The following NLRP14 variants were observed in gnomAD, a reference collection of about 807,000 sequenced individuals.
The protein encoded by NLRP14 is NLR family pyrin domain containing 14, also known as NACHT, LRR and PYD domains-containing protein 14.
A neutral mutation model predicts 94.7 loss-of-function variants in NLRP14; 105 were observed. The ratio of observed to expected loss-of-function variants is 1.11; its 90% CI spans 0.95 to 1.30. The LOEUF is 1.30. NLRP14 is among the 50% of genes most tolerant of loss of function. The pLI is 0.00. For missense variants in NLRP14, 1,362 were observed against 1,254.1 expected, an observed-to-expected ratio of 1.09 and a Z score of -1.30; for synonymous variants, 508 against 459.9, an observed-to-expected ratio of 1.10 and a Z score of -1.34.
chr11:7,072,368 A>T (rs1270013087), downstream of NLRP14, among the ~76,000 whole-genome samples: 1 of 152,252 alleles, frequency 6.6e-6, no homozygotes, highest in Non-Finnish European at 1.5e-5. Flanking sequence ...AGCAATTTTG[A>T]TCCTTGCCCC....
the NLRP14 span, among the ~76,000 whole-genome samples, chr11:7,087,217 C>T: frequency 6.6e-6 from 1 of 152,176 alleles, no homozygotes; most frequent in Admixed American, 6.5e-5. Flanking sequence ...GACCTGTAAG[C>T]CCCCCACTTC....
chr11:7,061,323 T>A lies in NLRP14; in HGVS notation c.2805-1010T>A, dbSNP rs546040658. ...TTCAACTGGAAGACAAAGTTTTACTTAATGGATGTTGTTAAATCCAATGTC... is the reference window on the plus strand; with the variant it reads ...TTCAACTGGAAGACAAAGTTTTACTAAATGGATGTTGTTAAATCCAATGTC... On this transcript the variant is annotated intron_variant, in intron 9 of 11. Transcript: ENST00000299481. 2.4e-4 allele frequency among the ~76,000 whole-genome samples: 37 copies of A among 152,208 alleles called. No individual in the cohort carries two copies. The South Asian group carries it at 6.8e-3, about 28-fold the overall frequency.
intron 10 of NLRP14, among the ~76,000 whole-genome samples, chr11:7,069,452 G>T (rs1487533652): frequency 6.6e-6 from 1 of 152,158 alleles, no homozygotes; most frequent in Non-Finnish European, 1.5e-5. Flanking sequence ...ACTATTATCG[G>T]CTTGTGCAGA....
At chr11:7,087,002 A>C in the NLRP14 span, among the ~76,000 whole-genome samples, 1 of 149,910 alleles carries the variant, frequency 6.7e-6, no homozygotes, top group Non-Finnish European at 1.5e-5. Context: ...AGAAACCCAG[A>C]TCCCACCAAA....
In NLRP14 at chr11:7,065,207, G is replaced by A. The variant is rs146917464; in HGVS notation, c.2975+2704G>A. On this transcript the variant is annotated intron_variant, in intron 10 of 11. Transcript: ENST00000299481. ...AGTGAGTCTCCTGATACACCAAAAAGACATATCTCATTTATTTAGGTCTAT... is the reference window on the plus strand; with the variant it reads ...AGTGAGTCTCCTGATACACCAAAAAAACATATCTCATTTATTTAGGTCTAT... Among the ~76,000 whole-genome samples the A allele has an allele frequency of 4.0e-3, 612 of 152,180 alleles. 7 individuals are homozygous for A. The highest frequency in any genetic ancestry group is 0.014 in the African/African-American group (567 of 41,532).
chr11:7,042,295 C>T (rs1334851518), intron 3 of NLRP14, 93 bp from the exon 4 acceptor site: 1 of 1,031,996 alleles, frequency 9.7e-7, no homozygotes, highest in East Asian at 2.4e-5. Context: ...GTTCCTAATT[C>T]CAAGTTCGGT....
chr11:7,043,294 A>G lies in NLRP14; in HGVS notation c.1268A>G (p.Gln423Arg), dbSNP rs757959026. Residue 423 changes from glutamine to arginine, a missense_variant, in exon 4 of 12, where the codon CAG becomes CGG. Transcript: ENST00000299481. ...TCTCCTAGTCTACCCAACCAAGCCC[A>G]GCTGAGAAGACTGTGCCAAGTCGCT... Reference protein sequence around the residue: ...GGSPSLPNQAQLRRLCQVAAK... With the variant: ...GGSPSLPNQARLRRLCQVAAK... 1.9e-6 allele frequency: 3 copies of G among 1,614,226 alleles called. No individual in the cohort carries two copies. In the African/African-American group the frequency reaches 4.0e-5, roughly 22 times the overall value.
chr11:7,031,616 G>A (rs1852097284), intron 1 of NLRP14, among the ~76,000 whole-genome samples: 1 of 152,120 alleles, frequency 6.6e-6, no homozygotes, highest in African/African-American at 2.4e-5. Flanking sequence ...GGTATGAATA[G>A]CCCCACTTTC....
At chr11:7,051,812 G>A (rs906803058) in intron 6 of NLRP14, among the ~76,000 whole-genome samples, 3 of 151,848 alleles carry the variant, frequency 2.0e-5, no homozygotes, top group African/African-American at 7.3e-5. Context: ...TAGTAGAGAT[G>A]GGGTTTCACC....
intron 1 of NLRP14, among the ~76,000 whole-genome samples, chr11:7,025,573 G>C (rs1490004314): frequency 1.3e-5 from 2 of 152,252 alleles, no homozygotes; most frequent in African/African-American, 4.8e-5. Context: ...AATGTGAATG[G>C]ACTGAATTTT....
At chr11:7,023,392 A>AT (rs1176559326) in intron 1 of NLRP14, among the ~76,000 whole-genome samples, 2 of 146,314 alleles carry the variant, frequency 1.4e-5, no homozygotes, top group Non-Finnish European at 3.0e-5. Context: ...TAGCTTGGAA[A>AT]TTTTTTATAT....
the NLRP14 span, among the ~76,000 whole-genome samples, chr11:7,088,301 A>G: frequency 6.6e-6 from 1 of 152,214 alleles, no homozygotes; most frequent in South Asian, 2.1e-4. Flanking sequence ...TCTTTAATAC[A>G]TGGTCCAAAA....
At chr11:7,089,054 C>T in the NLRP14 span, 10 of 1,550,922 alleles carry the variant, frequency 6.4e-6, no homozygotes, top group Non-Finnish European at 7.9e-6. Context: ...CGAGCGAGCT[C>T]GAAGGCTGCG....
At chr11:7,023,345 TTAATTA>T (rs1851970577) in intron 1 of NLRP14, among the ~76,000 whole-genome samples, 1 of 146,906 alleles carries the variant, frequency 6.8e-6, no homozygotes, top group African/African-American at 2.5e-5. Context: ...ATATATAATT[TTAATTA>T]TATTACATAT....
chr11:7,052,016 A>T (rs1225365340), intron 6 of NLRP14, among the ~76,000 whole-genome samples: 2 of 152,090 alleles, frequency 1.3e-5, no homozygotes, highest in African/African-American at 4.8e-5. Context: ...TGTCTTGATA[A>T]TTTTTTTCCA....
chr11:7,089,170 T>A, the NLRP14 span: 5 of 1,613,946 alleles, frequency 3.1e-6, no homozygotes, highest in Non-Finnish European at 4.2e-6. Context: ...GGCCTCAACC[T>A]CGAAACCGAC....
chr11:7,046,798 C>T lies in NLRP14; in HGVS notation c.2089C>T (p.Leu697=), dbSNP rs1852359038. ...KSAMNILHHE[L]RHPNCKLQKL... ...AGCAATGAATATCCTGCATCATGAA[C>T]TAAGGCACCCAAACTGTAAACTACA... The change falls in exon 5 of 12, where the codon CTA becomes TTA. Residue 697 remains leucine, a synonymous_variant. Transcript: ENST00000299481. 6.2e-7 allele frequency: 1 copy of T among 1,613,692 alleles called. No individual in the cohort carries two copies.
chr11:7,071,382 G>T lies in NLRP14; in HGVS notation c.*74G>T. ...TACATAGATATATACCCAGACTTGGGTGCTTAGCTTCAGATACTCTATGCC... is the reference window on the plus strand; with the variant it reads ...TACATAGATATATACCCAGACTTGGTTGCTTAGCTTCAGATACTCTATGCC... On this transcript the variant is annotated 3_prime_UTR_variant, in exon 12 of 12. Coordinates refer to ENST00000299481, the MANE Select transcript of NLRP14 (RefSeq NM_176822.4). 1 of 1,297,544 alleles carries T rather than the reference G, an allele frequency of 7.7e-7. No individual in the cohort carries two copies. The highest frequency in any genetic ancestry group is 1.1e-6 in the Non-Finnish European group (1 of 919,558). 80.4% of individuals were successfully genotyped at this position (1,297,544 alleles called of 1,614,324 possible). A position where few individuals can be genotyped will look rare whatever the true frequency, so the allele number is the denominator to read the frequency against.
rs575005290 is a variant in NLRP14, at chr11:7,020,648, C to T, written c.-144C>T. 2.0e-5 allele frequency: 3 copies of T among 152,360 alleles called. No individual in the cohort carries two copies. The South Asian group carries it at 6.2e-4, about 32-fold the overall frequency. The allele number at this position is 152,360 out of a possible 1,614,324, so 9.4% of individuals were successfully genotyped here. On this transcript the variant is annotated 5_prime_UTR_variant, in exon 1 of 12. Coordinates refer to ENST00000299481, the MANE Select transcript of NLRP14 (RefSeq NM_176822.4). ...CTGTGACCCTCACCACCGCGACGAC[C>T]CCGAGGAAACGCTGTCAGGTCGCCT...
Sources: gnomAD v4.1 joint callset for allele counts (sites outside exome capture counted in the v4.1 genomes callset) on GRCh38, gnomAD v4.1.1 for gene constraint, MANE v1.5 for transcripts, NCBI Gene and HGNC (gene_info 2026-07-23, HGNC 2026-07-21) for gene names.